OR6C74: variants seen among roughly 807,000 people sequenced by gnomAD.
The protein encoded by OR6C74 is olfactory receptor family 6 subfamily C member 74, also known as olfactory receptor 6C74.
For synonymous variants in OR6C74, 142 were observed against 134.2 expected (o/e 1.06, Z -0.40); for missense variants, 361 against 362.9 (o/e 0.99, Z 0.04).
rs571226837 is a variant in OR6C74, at chr12:55,252,906, A to G, written c.*4680A>G. Reference sequence around the variant, plus strand: ...ATTATTACTTAGCATATCATCATACATTTCTGATTTGCTTCTCTTCCTTTT... The same window carrying G: ...ATTATTACTTAGCATATCATCATACGTTTCTGATTTGCTTCTCTTCCTTTT... On this transcript the variant is annotated 3_prime_UTR_variant, in exon 2 of 2. Coordinates refer to ENST00000343399, the MANE Select transcript of OR6C74 (RefSeq NM_001005490.2). Among the ~76,000 whole-genome samples the G allele has an allele frequency of 6.6e-6, 1 of 151,970 alleles. No individual in the cohort carries two copies. Among genetic ancestry groups the G allele is most frequent in the Non-Finnish European group, 1.5e-5 (1 of 67,922 alleles).
Position 55,247,670 on chromosome 12 carries a change from T to C in OR6C74, c.383T>C (p.Leu128Pro), listed in dbSNP as rs1348452969. The C allele has an allele frequency of 6.2e-7, 1 of 1,614,058 alleles. No individual in the cohort carries two copies. Among genetic ancestry groups the C allele is most frequent in the Admixed American group, 1.7e-5 (1 of 60,012 alleles). Residue 128 changes from leucine to proline, a missense_variant, in exon 2 of 2, where the codon CTG (leucine) becomes CCG (proline). Leu to Pro is a moderately conservative substitution (Grantham distance 98, BLOSUM62 -3). Coordinates refer to ENST00000343399, the MANE Select transcript of OR6C74 (RefSeq NM_001005490.2). ...YERYVAICKP[L>P]HYTTIMSSRV... ...CGCTATGTGGCCATCTGCAAACCCC[T>C]GCATTACACCACCATCATGAGCAGC...
rs1455042468 is a variant in OR6C74 at position 55,249,863 on chromosome 12, G to A, written c.*1637G>A. On this transcript the variant is annotated 3_prime_UTR_variant, in exon 2 of 2. Transcript: ENST00000343399. ...GTTGGTGTGCTGCACCCATTAACTTGTCATTTACATTAGGTATATCTCCTA... is the reference window on the plus strand; with the variant it reads ...GTTGGTGTGCTGCACCCATTAACTTATCATTTACATTAGGTATATCTCCTA... Among the ~76,000 whole-genome samples, 2 of 151,900 alleles carry A rather than the reference G, an allele frequency of 1.3e-5. No individual in the cohort carries two copies. Among genetic ancestry groups the A allele is most frequent in the Non-Finnish European group, 2.9e-5 (2 of 67,972 alleles).
intron 1 of OR6C74, among the ~76,000 whole-genome samples, chr12:55,246,646 G>C (rs61956044): frequency 0.26 from 39,940 of 151,982 alleles, 5,569 homozygotes; most frequent in Middle Eastern, 0.39. Context: ...AAGAGAACAA[G>C]CAGAGTGAGT....
chr12:55,244,925 A>G (rs7137816), intron 1 of OR6C74, among the ~76,000 whole-genome samples, 108 bp downstream of exon 1: 37,407 of 151,982 alleles, frequency 0.25, 5,163 homozygotes, highest in Middle Eastern at 0.38. Context: ...ATAAAAATAT[A>G]AGAAGATGCA....
Position 55,248,335 on chromosome 12 carries a change from T to G in OR6C74, c.*109T>G, listed in dbSNP as rs183799022. The G allele has an allele frequency of 5.3e-4, 363 of 685,462 alleles. No individual in the cohort carries two copies. The highest frequency in any genetic ancestry group is 4.0e-3 in the Middle Eastern group (10 of 2,480). The allele number at this position is 685,462 out of a possible 1,614,324, so 42.5% of individuals were successfully genotyped here. On this transcript the variant is annotated 3_prime_UTR_variant, in exon 2 of 2. Transcript: ENST00000343399. ...TCAATAATATTACCTCTTTTTTGAC[T>G]TATAATTTTCATTATGGCCTTCCTA...
At position 55,254,766 on chromosome 12, in the gene OR6C74, A is replaced by G. The variant is rs1954332588; in HGVS notation, c.*6540A>G. Among the ~76,000 whole-genome samples, 1 of 152,146 alleles carries G rather than the reference A, an allele frequency of 6.6e-6. No homozygotes were observed. The highest frequency in any genetic ancestry group is 2.4e-5 in the African/African-American group (1 of 41,450). Reference sequence around the variant, plus strand: ...TTATACATCTACTTTGAGAAAGCTCAGCCTTAAATATAAGCTTCTTTCCAA... The same window carrying G: ...TTATACATCTACTTTGAGAAAGCTCGGCCTTAAATATAAGCTTCTTTCCAA... On this transcript the variant is annotated 3_prime_UTR_variant, in exon 2 of 2. Coordinates refer to ENST00000343399, the MANE Select transcript of OR6C74 (RefSeq NM_001005490.2).
chr12:55,247,417 A>G lies in OR6C74; in HGVS notation c.130A>G (p.Ile44Val), dbSNP rs1379329395. Residue 44 changes from isoleucine to valine, a missense_variant, in exon 2 of 2, where the codon ATC (isoleucine) becomes GTC (valine). Ile to Val is a conservative substitution (Grantham distance 29). Transcript: ENST00000343399. ...MLSITGNLTI[I>V]TLTLLDLHLK... The stretch of plus-strand genomic sequence containing the variant: ...GAGCATCACTGGGAATCTAACCATC[A>G]TCACTCTCACCCTACTGGATTTGCA... The G allele has an allele frequency of 6.2e-7, 1 of 1,613,452 alleles. No individual in the cohort carries two copies. Among genetic ancestry groups the G allele is most frequent in the East Asian group, 2.2e-5 (1 of 44,862 alleles).
chr12:55,245,178 T>C (rs937659282), intron 1 of OR6C74, among the ~76,000 whole-genome samples: 4 of 152,110 alleles, frequency 2.6e-5, no homozygotes, highest in Admixed American at 6.5e-5. Flanking sequence ...AAGCTAACCA[T>C]TTGAGAAGTT....
At chr12:55,246,131 G>T (rs113763017) in intron 1 of OR6C74, among the ~76,000 whole-genome samples, 11 of 152,280 alleles carry the variant, frequency 7.2e-5, no homozygotes, top group African/African-American at 2.4e-4. Context: ...TGATAGACTT[G>T]TCAGGTGATA....
rs1565648307 is a variant in OR6C74, at chr12:55,250,678, T to C, written c.*2452T>C. 6.6e-6 allele frequency among the ~76,000 whole-genome samples: 1 copy of C among 152,122 alleles called. No individual in the cohort carries two copies. The highest frequency in any genetic ancestry group is 1.5e-5 in the Non-Finnish European group (1 of 67,984). On this transcript the variant is annotated 3_prime_UTR_variant, in exon 2 of 2. Transcript: ENST00000343399. Reference sequence around the variant, plus strand: ...AATATTAAAATCTCATTTGTTCACCTGTTTAACTCATTTCTAATATTCATT... The same window carrying C: ...AATATTAAAATCTCATTTGTTCACCCGTTTAACTCATTTCTAATATTCATT...
chr12:55,247,427 C>A lies in OR6C74; in HGVS notation c.140C>A (p.Thr47Asn). Residue 47 changes from threonine to asparagine, a missense_variant, in exon 2 of 2, where the codon ACC (threonine) becomes AAC (asparagine). Thr to Asn is a moderately conservative substitution (Grantham distance 65). Transcript: ENST00000343399. ...GGGAATCTAACCATCATCACTCTCA[C>A]CCTACTGGATTTGCATCTCAAGACA... ...ITGNLTIITL[T>N]LLDLHLKTPM... is the part of the protein sequence containing the mutation. The A allele has an allele frequency of 6.2e-7, 1 of 1,613,640 alleles. No individual in the cohort carries two copies.
Position 55,251,946 on chromosome 12 carries a change from C to G in OR6C74, c.*3720C>G, listed in dbSNP as rs1342052922. On this transcript the variant is annotated 3_prime_UTR_variant, in exon 2 of 2. Coordinates refer to ENST00000343399, the MANE Select transcript of OR6C74 (RefSeq NM_001005490.2). ...TTACTGTGTTCTCAAAAATTATGGA[C>G]TTGCTTTTCTTTTTATAAGTGTAAG... 6.6e-6 allele frequency among the ~76,000 whole-genome samples: 1 copy of G among 151,552 alleles called. No homozygotes were observed. Among genetic ancestry groups the G allele is most frequent in the East Asian group, 1.9e-4 (1 of 5,174 alleles).
chr12:55,246,924 T>C (rs1376301686), intron 1 of OR6C74, among the ~76,000 whole-genome samples: 1 of 150,608 alleles, frequency 6.6e-6, no homozygotes, highest in Non-Finnish European at 1.5e-5. Context: ...AATCACCAGA[T>C]GGTATAAAAT....
chr12:55,251,666 T>C lies in OR6C74; in HGVS notation c.*3440T>C, dbSNP rs1954312197. Among the ~76,000 whole-genome samples the C allele has an allele frequency of 6.6e-6, 1 of 151,954 alleles. No individual in the cohort carries two copies. Among genetic ancestry groups the C allele is most frequent in the African/African-American group, 2.4e-5 (1 of 41,442 alleles). On this transcript the variant is annotated 3_prime_UTR_variant, in exon 2 of 2. Transcript: ENST00000343399. Reference sequence around the variant, plus strand: ...AGGTGTTAGAAAACTACAAGTTTACTATAAATATGGAGTGTTTATGAGCAT... The same window carrying C: ...AGGTGTTAGAAAACTACAAGTTTACCATAAATATGGAGTGTTTATGAGCAT...
Position 55,255,348 on chromosome 12 carries a change from G to A in OR6C74, c.*7122G>A, listed in dbSNP as rs1220543117. Reference sequence around the variant, plus strand: ...GAACACTTTTACACTGTTGGTGGGAGTATAAATTAGTTCAACCATTGTGGA... The same window carrying A: ...GAACACTTTTACACTGTTGGTGGGAATATAAATTAGTTCAACCATTGTGGA... On this transcript the variant is annotated 3_prime_UTR_variant, in exon 2 of 2. Coordinates refer to ENST00000343399, the MANE Select transcript of OR6C74 (RefSeq NM_001005490.2). 2.0e-5 allele frequency among the ~76,000 whole-genome samples: 3 copies of A among 152,100 alleles called. No homozygotes were observed.
rs1284731392 is a variant in OR6C74, at chr12:55,247,761, C to T, written c.474C>T (p.Leu158=). The change falls in exon 2 of 2, where the codon CTC becomes CTT. Residue 158 remains leucine (L), a synonymous_variant. Coordinates refer to ENST00000343399, the MANE Select transcript of OR6C74 (RefSeq NM_001005490.2). ...GCTTCCTAATAATTTTTCCGCCACT[C>T]CTGATGGGTCTCCAGCTTGATTTCT... is the stretch of plus-strand genomic sequence containing the variant. ...MAGFLIIFPP[L]LMGLQLDFCA... 1 of 1,613,984 alleles carries T rather than the reference C, an allele frequency of 6.2e-7. No individual in the cohort carries two copies. The highest frequency in any genetic ancestry group is 1.7e-5 in the Admixed American group (1 of 59,992).
rs1954330498 is a variant in OR6C74 at position 55,254,468 on chromosome 12, A to T, written c.*6242A>T. The stretch of plus-strand genomic sequence containing the variant: ...CAAAAGATATCTGGGAAGGATGTAA[A>T]TTTAACCAATATTGCTGTATAATAA... On this transcript the variant is annotated 3_prime_UTR_variant, in exon 2 of 2. Coordinates refer to ENST00000343399, the MANE Select transcript of OR6C74 (RefSeq NM_001005490.2). 6.6e-6 allele frequency among the ~76,000 whole-genome samples: 1 copy of T among 152,086 alleles called. No homozygotes were observed. Among genetic ancestry groups the T allele is most frequent in the East Asian group, 1.9e-4 (1 of 5,180 alleles).
At position 55,254,555 on chromosome 12, in the gene OR6C74, A is replaced by T. The variant is rs565411576; in HGVS notation, c.*6329A>T. ...AAGTGACATGAGGATTTAAGAGATA[A>T]ATTTATTTAGGACAGTCATGGGAAC... On this transcript the variant is annotated 3_prime_UTR_variant, in exon 2 of 2. Transcript: ENST00000343399. 1.3e-5 allele frequency among the ~76,000 whole-genome samples: 2 copies of T among 152,168 alleles called. No individual in the cohort carries two copies. Among genetic ancestry groups the T allele is most frequent in the South Asian group, 4.2e-4 (2 of 4,818 alleles).
chr12:55,252,897 T>C lies in OR6C74; in HGVS notation c.*4671T>C, dbSNP rs1348838296. Among the ~76,000 whole-genome samples the C allele has an allele frequency of 6.6e-6, 1 of 152,192 alleles. No individual in the cohort carries two copies. The highest frequency in any genetic ancestry group is 1.5e-5 in the Non-Finnish European group (1 of 67,950). On this transcript the variant is annotated 3_prime_UTR_variant, in exon 2 of 2. Coordinates refer to ENST00000343399, the MANE Select transcript of OR6C74 (RefSeq NM_001005490.2). ...AGTTTTTAAATTATTACTTAGCATA[T>C]CATCATACATTTCTGATTTGCTTCT...
Sources: allele counts gnomAD v4.1 joint callset (sites outside exome capture counted in the v4.1 genomes callset), GRCh38; gene constraint gnomAD v4.1.1; transcripts MANE v1.5; gene names NCBI Gene and HGNC (gene_info 2026-07-23, HGNC 2026-07-21).